The following AFG2A variants were observed in gnomAD, a reference collection of about 807,000 sequenced individuals.
AFG2A encodes the protein ATPase family gene 2 protein homolog A.
At chr4:122,931,539 G>T in the AFG2A span, among the ~76,000 whole-genome samples, 2 of 151,956 alleles carry the variant, frequency 1.3e-5, no homozygotes, top group Admixed American at 6.6e-5. Flanking sequence ...ATTTTACATA[G>T]ATTATAACCT....
chr4:123,075,240 A>G, the AFG2A span, among the ~76,000 whole-genome samples: 3 of 152,056 alleles, frequency 2.0e-5, no homozygotes, highest in East Asian at 3.9e-4. Context: ...CACCACGCCC[A>G]GCCTGTTTTA....
chr4:123,118,483 A>G, the AFG2A span, among the ~76,000 whole-genome samples: 1 of 151,024 alleles, frequency 6.6e-6, no homozygotes, highest in African/African-American at 2.4e-5. Context: ...CTCTCAGTAA[A>G]TGGGCATTTT....
At chr4:123,232,928 C>G in the AFG2A span, among the ~76,000 whole-genome samples, 1 of 152,070 alleles carries the variant, frequency 6.6e-6, no homozygotes, top group Non-Finnish European at 1.5e-5. Flanking sequence ...AGGTGCTTCG[C>G]AGTTCCTACA....
chr4:123,050,847 C>T, the AFG2A span, among the ~76,000 whole-genome samples: 3 of 151,672 alleles, frequency 2.0e-5, no homozygotes, highest in Non-Finnish European at 4.4e-5. Flanking sequence ...TGGGTTTAAG[C>T]GATTCTCCTG....
chr4:123,128,800 G>A, the AFG2A span, among the ~76,000 whole-genome samples: 807 of 152,130 alleles, frequency 5.3e-3, 2 homozygotes, highest in African/African-American at 0.018. Context: ...TGGGTCAGTG[G>A]TTCTTTTTCT....
the AFG2A span, among the ~76,000 whole-genome samples, chr4:123,305,472 TATC>T: frequency 5.3e-5 from 8 of 152,222 alleles, no homozygotes; most frequent in Non-Finnish European, 1.0e-4. Flanking sequence ...ACCCAGGTCT[TATC>T]TGGAAATGGA....
the AFG2A span, among the ~76,000 whole-genome samples, chr4:123,266,069 A>G: frequency 1.3e-5 from 2 of 152,058 alleles, no homozygotes; most frequent in African/African-American, 4.8e-5. Context: ...ATAGATTCTG[A>G]TAGTGACAGT....
the AFG2A span, among the ~76,000 whole-genome samples, chr4:122,996,665 G>T: frequency 4.5e-4 from 69 of 152,052 alleles, no homozygotes; most frequent in Non-Finnish European, 8.8e-4. Context: ...CACAATTATG[G>T]ACGCTGAGAA....
At chr4:123,125,873 GGTTGA>G in the AFG2A span, among the ~76,000 whole-genome samples, 2 of 151,974 alleles carry the variant, frequency 1.3e-5, no homozygotes. Flanking sequence ...TTACTCTTCT[GGTTGA>G]GTTATTTCCT....
At chr4:123,174,049 C>T in the AFG2A span, among the ~76,000 whole-genome samples, 1 of 151,994 alleles carries the variant, frequency 6.6e-6, no homozygotes, top group Non-Finnish European at 1.5e-5. Flanking sequence ...ATAAAATAGT[C>T]CTTACTTGGA....
the AFG2A span, among the ~76,000 whole-genome samples, chr4:123,231,868 A>T: frequency 1.3e-5 from 2 of 151,926 alleles, no homozygotes; most frequent in East Asian, 3.9e-4. Flanking sequence ...TGGTGGAACA[A>T]TCAGAATACA....
At chr4:123,273,283 C>T in the AFG2A span, among the ~76,000 whole-genome samples, 1 of 151,886 alleles carries the variant, frequency 6.6e-6, no homozygotes, top group Non-Finnish European at 1.5e-5. Context: ...AAGTCTGATC[C>T]CTCTTTTTAA....
the AFG2A span, among the ~76,000 whole-genome samples, chr4:123,140,380 T>C: frequency 6.6e-6 from 1 of 152,070 alleles, no homozygotes; most frequent in South Asian, 2.1e-4. Context: ...AACATCACAA[T>C]AGAAAATAAT....
the AFG2A span, among the ~76,000 whole-genome samples, chr4:123,088,196 T>C: frequency 2.6e-5 from 4 of 152,294 alleles, no homozygotes; most frequent in Non-Finnish European, 5.9e-5. Flanking sequence ...CTGTGTTCTC[T>C]CTCTTTCCCT....
chr4:123,176,374 A>G, the AFG2A span, among the ~76,000 whole-genome samples: 12 of 152,204 alleles, frequency 7.9e-5, no homozygotes, highest in Non-Finnish European at 1.3e-4. Context: ...TAGTAATACA[A>G]TACCAGAGCA....
At chr4:123,112,189 C>T in the AFG2A span, among the ~76,000 whole-genome samples, 5 of 152,048 alleles carry the variant, frequency 3.3e-5, no homozygotes, top group African/African-American at 1.2e-4. Context: ...AACTACTCTT[C>T]CTTGATTTTG....
chr4:122,968,317 A>G, the AFG2A span, among the ~76,000 whole-genome samples: 2 of 152,292 alleles, frequency 1.3e-5, no homozygotes, highest in African/African-American at 4.8e-5. Context: ...GCATGTATAC[A>G]TAAGAGAGCA....
chr4:123,095,043 ATAT>A, the AFG2A span, among the ~76,000 whole-genome samples: 920 of 107,632 alleles, frequency 8.5e-3, 12 homozygotes, highest in Middle Eastern at 0.039. Context: ...AAAAAAAAAA[ATAT>A]ATATATATAT....
chr4:122,935,615 G>A, the AFG2A span: 2 of 1,379,570 alleles, frequency 1.4e-6, no homozygotes, highest in East Asian at 4.8e-5. Flanking sequence ...TGTGACGCAA[G>A]GTAAAGTTAA....
Sources: allele counts gnomAD v4.1 joint callset (sites outside exome capture counted in the v4.1 genomes callset), GRCh38; gene constraint gnomAD v4.1.1; transcripts MANE v1.5; gene names NCBI Gene and HGNC (gene_info 2026-07-23, HGNC 2026-07-21).